Variants in PIAS1 observed in about 807,000 individuals in gnomAD.
PIAS1 encodes E3 SUMO-protein ligase PIAS1.
Under a neutral mutation model 71.3 loss-of-function variants are expected in PIAS1, and 6 were observed. The ratio of observed to expected loss-of-function variants is 0.08; its 90% CI spans 0.05 to 0.17. The LOEUF (loss-of-function observed/expected upper bound fraction) is 0.17. Among genes scored for constraint, PIAS1 ranks in the 10% least tolerant of loss-of-function variants. The probability of loss-of-function intolerance (pLI) is 1.00; values close to 1 mark genes in which losing one functional copy is unlikely to be tolerated. For synonymous variants in PIAS1, 303 were observed against 292.9 expected (o/e 1.03, Z -0.35); for missense variants, 555 against 793.6 (o/e 0.70, Z 3.61).
chr15:68,150,123 T>C (rs1396367669), intron 6 of PIAS1, among the ~76,000 whole-genome samples: 1 of 152,202 alleles, frequency 6.6e-6, no homozygotes, highest in Non-Finnish European at 1.5e-5. Flanking sequence ...TAAAATCCTT[T>C]TAAATATTTT....
chr15:68,146,727 T>G, intron 6 of PIAS1, 27 bp downstream of exon 6: 1 of 1,584,464 alleles, frequency 6.3e-7, no homozygotes, highest in Non-Finnish European at 8.6e-7. Context: ...TTCTACCAGA[T>G]TTTTGTATTA....
Position 68,153,941 on chromosome 15 carries a change from A to G in PIAS1, c.934+246A>G, listed in dbSNP as rs1055866482. 8 of 259,238 alleles carry G rather than the reference A, an allele frequency of 3.1e-5. No homozygotes were observed. In the East Asian group the frequency reaches 3.9e-4, roughly 12 times the overall value. 16.1% of individuals were successfully genotyped at this position (259,238 alleles called of 1,614,324 possible). A position where few individuals can be genotyped will look rare whatever the true frequency, so the allele number is the denominator to read the frequency against. ...ATTATTCTACAACTTCATAAAATCA[A>G]TGTTTAAGGAATTCTGGGAAATGGG... is the stretch of plus-strand genomic sequence containing the variant. On this transcript the variant is annotated intron_variant, in intron 7 of 13. Transcript: ENST00000249636.
At position 68,181,493 on chromosome 15, in the gene PIAS1, A is replaced by G. The variant is rs2093053077; in HGVS notation, c.1624+139A>G. On this transcript the variant is annotated intron_variant, in intron 12 of 13. Coordinates refer to ENST00000249636, the MANE Select transcript of PIAS1 (RefSeq NM_016166.3). ...TGGACCCAGGGAACTGAGAGAAATA[A>G]TATGCCGTTGTTATAAATACTGACC... 5.5e-6 allele frequency: 4 copies of G among 721,734 alleles called. No individual in the cohort carries two copies. In the South Asian group the frequency reaches 7.5e-5, roughly 13 times the overall value. 44.7% of individuals were successfully genotyped at this position (721,734 alleles called of 1,614,324 possible).
rs149616274 is a variant in PIAS1, at chr15:68,103,935, A to G, written c.469+17185A>G. Among the ~76,000 whole-genome samples the G allele has an allele frequency of 7.0e-3, 1,070 of 152,250 alleles. 4 individuals carry two copies. Among genetic ancestry groups the G allele is most frequent in the East Asian group, 0.032 (168 of 5,188 alleles). On this transcript the variant is annotated intron_variant, in intron 2 of 13. Transcript: ENST00000249636. Reference sequence around the variant, plus strand: ...TTTTTTGTGTGGAAATATGTTTTCAATTCTTTTGGTTAAATACCTAGAACT... The same window carrying G: ...TTTTTTGTGTGGAAATATGTTTTCAGTTCTTTTGGTTAAATACCTAGAACT...
At chr15:68,149,268 G>C (rs2092829533) in intron 6 of PIAS1, among the ~76,000 whole-genome samples, 1 of 151,392 alleles carries the variant, frequency 6.6e-6, no homozygotes, top group South Asian at 2.1e-4. Flanking sequence ...TGAGTCATCT[G>C]CATATTGGTG....
intron 2 of PIAS1, among the ~76,000 whole-genome samples, chr15:68,116,944 G>A (rs1324610944): frequency 6.6e-6 from 1 of 152,096 alleles, no homozygotes; most frequent in African/African-American, 2.4e-5. Context: ...CGTACAATGT[G>A]ATGTTTCAGT....
intron 1 of PIAS1, among the ~76,000 whole-genome samples, chr15:68,071,013 C>G (rs1396862618): frequency 2.0e-5 from 3 of 152,060 alleles, no homozygotes; most frequent in Admixed American, 1.3e-4. Context: ...TTGAACAGCA[C>G]TTTTCTAGAG....
intron 2 of PIAS1, among the ~76,000 whole-genome samples, chr15:68,100,387 G>T (rs1235219465): frequency 1.3e-5 from 2 of 152,136 alleles, no homozygotes; most frequent in African/African-American, 2.4e-5. Context: ...TCACCCACAA[G>T]ACTCCCTCTT....
intron 2 of PIAS1, among the ~76,000 whole-genome samples, chr15:68,100,574 G>C (rs1435286153): frequency 6.6e-6 from 1 of 152,088 alleles, no homozygotes; most frequent in East Asian, 1.9e-4. Flanking sequence ...CATTAGTGTA[G>C]TTTTCTGTGT....
rs568371426 is a variant in PIAS1 at position 68,089,867 on chromosome 15, AT to A, written c.469+3123del. Among the ~76,000 whole-genome samples the A allele has an allele frequency of 1.5e-4, 22 of 147,762 alleles. 1 individual carries two copies. The South Asian group carries it at 4.5e-3, about 30-fold the overall frequency. On this transcript the variant is annotated intron_variant, in intron 2 of 13. Transcript: ENST00000249636. ...CACTGCACCCGGCCTCATAACATTT[AT>A]TTTTTAAATTTTATTTTATTTTATT... is the stretch of plus-strand genomic sequence containing the variant.
intron 2 of PIAS1, among the ~76,000 whole-genome samples, chr15:68,098,242 G>C (rs538610723): frequency 1.3e-5 from 2 of 152,092 alleles, no homozygotes; most frequent in Non-Finnish European, 2.9e-5. Flanking sequence ...TGATTAACAC[G>C]TATTTTGTAT....
intron 2 of PIAS1, among the ~76,000 whole-genome samples, chr15:68,134,439 T>C (rs1234306334): frequency 9.9e-5 from 5 of 50,638 alleles, no homozygotes; most frequent in South Asian, 5.2e-4. Context: ...TAGGAGCGGC[T>C]GGGCAGAGGC....
intron 2 of PIAS1, among the ~76,000 whole-genome samples, chr15:68,136,768 T>G (rs1444057949): frequency 2.0e-5 from 3 of 152,152 alleles, no homozygotes; most frequent in African/African-American, 4.8e-5. Flanking sequence ...CACATAAAAA[T>G]CTTTTATATC....
At position 68,185,823 on chromosome 15, in the gene PIAS1, G is replaced by A. The variant is rs924395670; in HGVS notation, c.1663-1719G>A. Among the ~76,000 whole-genome samples, 3 of 152,092 alleles carry A rather than the reference G, an allele frequency of 2.0e-5. No homozygotes were observed. Among genetic ancestry groups the A allele is most frequent in the Non-Finnish European group, 4.4e-5 (3 of 68,018 alleles). ...CTAAAAATACAAAAATTAGCTGGGCGTGGTGCTACACGCCTGTAATCCCAG... is the reference window on the plus strand; with the variant it reads ...CTAAAAATACAAAAATTAGCTGGGCATGGTGCTACACGCCTGTAATCCCAG... On this transcript the variant is annotated intron_variant, in intron 13 of 13. Coordinates refer to ENST00000249636, the MANE Select transcript of PIAS1 (RefSeq NM_016166.3). This position sits in a 1 kb window ranked among gnomAD's most constrained non-coding sequence, Gnocchi z 4.4.
chr15:68,055,973 G>C (rs1167333224), intron 1 of PIAS1: 9 of 694,374 alleles, frequency 1.3e-5, no homozygotes, highest in Non-Finnish European at 2.1e-5. Context: ...TTACTGAAGG[G>C]AGAGCAGATT....
intron 2 of PIAS1, among the ~76,000 whole-genome samples, chr15:68,097,621 C>A (rs935561847): frequency 6.6e-6 from 1 of 151,958 alleles, no homozygotes; most frequent in Non-Finnish European, 1.5e-5. Flanking sequence ...TTATTAAATG[C>A]GGGGTTTCCC....
intron 2 of PIAS1, among the ~76,000 whole-genome samples, chr15:68,136,769 CTT>C (rs2092736431): frequency 6.6e-6 from 1 of 152,036 alleles, no homozygotes; most frequent in South Asian, 2.1e-4. Context: ...ACATAAAAAT[CTT>C]TTATATCATC....
chr15:68,172,557 C>A (rs1174062478), intron 8 of PIAS1, among the ~76,000 whole-genome samples: 1 of 152,232 alleles, frequency 6.6e-6, no homozygotes, highest in Non-Finnish European at 1.5e-5. Context: ...ATTCCTATTT[C>A]TCCACATCCT....
At chr15:68,061,777 A>G (rs758800416) in intron 1 of PIAS1, among the ~76,000 whole-genome samples, 1 of 152,230 alleles carries the variant, frequency 6.6e-6, no homozygotes, top group Non-Finnish European at 1.5e-5. Flanking sequence ...AAAACTGGAT[A>G]AAGACTTAGT....
Sources: allele counts gnomAD v4.1 joint callset (sites outside exome capture counted in the v4.1 genomes callset), GRCh38; gene constraint gnomAD v4.1.1; non-coding constraint Gnocchi (gnomAD v3.1); transcripts MANE v1.5; gene names NCBI Gene and HGNC (gene_info 2026-07-23, HGNC 2026-07-21).